SYT10: variants seen among roughly 807,000 people sequenced by gnomAD.
The protein encoded by SYT10 is synaptotagmin-10.
Under a neutral mutation model 51.1 loss-of-function variants are expected in SYT10, and 31 were observed. The ratio of observed to expected loss-of-function variants is 0.61; its 90% CI spans 0.46 to 0.82. The LOEUF (loss-of-function observed/expected upper bound fraction) is 0.82, where lower values mean the gene tolerates loss of function less well. Among genes scored for constraint, SYT10 ranks in the 40% least tolerant of loss-of-function variants. The probability of loss-of-function intolerance (pLI) is 0.00; values close to 1 mark genes in which losing one functional copy is unlikely to be tolerated. For missense variants in SYT10, 603 were observed against 634.0 expected (o/e 0.95, Z 0.53); for synonymous variants, 233 against 225.9 (o/e 1.03, Z -0.28).
chr12:33,382,581 T>G (rs528699544), intron 4 of SYT10, 61 bp from the exon 5 acceptor site: 1 of 1,452,756 alleles, frequency 6.9e-7, no homozygotes, highest in Non-Finnish European at 9.1e-7. Context: ...TAAATAAAAC[T>G]GCAGTTTATT....
In SYT10 at chr12:33,390,928, T is replaced by TG. The variant is rs1302024004; in HGVS notation, c.1078-5638_1078-5637insC. On this transcript the variant is annotated intron_variant, in intron 3 of 6. Transcript: ENST00000228567. ...CTGCATAATGTTAAATTACGTTTTT[T>TG]TTTGTTGTTGTTGTTGTTTTGTTTT... Among the ~76,000 whole-genome samples, 3 of 151,882 alleles carry TG rather than the reference T, an allele frequency of 2.0e-5. No homozygotes were observed. In the South Asian group the frequency reaches 6.3e-4, roughly 32 times the overall value.
intron 1 of SYT10, among the ~76,000 whole-genome samples, chr12:33,433,160 C>G (rs917936983): frequency 1.3e-5 from 2 of 152,092 alleles, no homozygotes; most frequent in Non-Finnish European, 2.9e-5. Flanking sequence ...AGATATTCCA[C>G]CAACAGAGGA....
intron 3 of SYT10, 77 bp downstream of exon 3, chr12:33,406,712 G>T: frequency 8.0e-7 from 1 of 1,244,266 alleles, no homozygotes. Flanking sequence ...GGCTTATTCC[G>T]ATAATTTGGG....
chr12:33,394,736 T>C (rs919787779), intron 3 of SYT10, among the ~76,000 whole-genome samples: 1 of 152,222 alleles, frequency 6.6e-6, no homozygotes, highest in Non-Finnish European at 1.5e-5. Flanking sequence ...AATTAAAGGA[T>C]ACTCATTAGC....
intron 3 of SYT10, chr12:33,405,637 A>T (rs1223983856): frequency 6.6e-6 from 1 of 152,074 alleles, no homozygotes; most frequent in Non-Finnish European, 1.5e-5. Context: ...TGAATAAAAA[A>T]ATGCTTATAT....
At chr12:33,422,658 T>C (rs1216993992) in intron 2 of SYT10, among the ~76,000 whole-genome samples, 2 of 151,984 alleles carry the variant, frequency 1.3e-5, no homozygotes, top group Non-Finnish European at 2.9e-5. Flanking sequence ...TCCTACTCCA[T>C]GATTTTTCAA....
At chr12:33,388,271 G>A (rs996594427) in intron 3 of SYT10, among the ~76,000 whole-genome samples, 15 of 152,108 alleles carry the variant, frequency 9.9e-5, no homozygotes, top group Admixed American at 7.9e-4. Context: ...ATGACCTTGA[G>A]TCATCAAGGT....
chr12:33,399,291 G>C (rs929410643), intron 3 of SYT10, among the ~76,000 whole-genome samples: 5 of 152,158 alleles, frequency 3.3e-5, no homozygotes, highest in African/African-American at 4.8e-5. Flanking sequence ...AGCAACTCTA[G>C]ATTTATCTAA....
intron 2 of SYT10, 69 bp downstream of exon 2, chr12:33,426,064 ACACAC>A: frequency 5.1e-6 from 1 of 195,964 alleles, no homozygotes. Context: ...ATGAAATTTC[ACACAC>A]ACACACACAC....
In SYT10 at chr12:33,439,573, C is replaced by A; in HGVS notation, c.-51G>T. 1.3e-6 allele frequency: 2 copies of A among 1,594,620 alleles called. No individual in the cohort carries two copies. Among genetic ancestry groups the A allele is most frequent in the South Asian group, 2.3e-5 (2 of 88,128 alleles). Reference sequence around the variant, plus strand: ...TTTTTTTCCCAGTTAGCCGTCTTTTCCTCTTCCCGTACCTCTAACCCCTCT... The same window carrying A: ...TTTTTTTCCCAGTTAGCCGTCTTTTACTCTTCCCGTACCTCTAACCCCTCT... On this transcript the variant is annotated 5_prime_UTR_variant, in exon 1 of 7. Transcript: ENST00000228567.
intron 3 of SYT10, chr12:33,404,960 C>T (rs1866339926): frequency 6.6e-6 from 1 of 151,930 alleles, no homozygotes; most frequent in African/African-American, 2.4e-5. Flanking sequence ...ACTAAAGTTT[C>T]CACAAGGAAC....
At chr12:33,378,158 G>T (rs533326858) in intron 6 of SYT10, among the ~76,000 whole-genome samples, 25 of 152,220 alleles carry the variant, frequency 1.6e-4, no homozygotes, top group African/African-American at 6.0e-4. Flanking sequence ...TTTTGCTGGA[G>T]AATGTACATT....
intron 3 of SYT10, among the ~76,000 whole-genome samples, chr12:33,403,005 T>C (rs1335126273): frequency 6.6e-6 from 1 of 152,062 alleles, no homozygotes; most frequent in African/African-American, 2.4e-5. Context: ...AAATTAAAGA[T>C]ACACCAGCTA....
chr12:33,406,841 G>T lies in SYT10; in HGVS notation c.1025C>A (p.Ser342Tyr). The change falls in exon 3 of 7, where the codon TCT becomes TAT. Residue 342 changes from serine (S) to tyrosine (Y), a missense_variant. Ser to Tyr is a moderately radical substitution (Grantham distance 144, BLOSUM62 -2). Transcript: ENST00000228567. ...TACTGTGGCTTCCCTGGAGAGATCA[G>T]AGACTTCAAACAAATTATCAAGAAT... ...EVILDNLFEV[S>Y]DLSREATVWK... The T allele has an allele frequency of 6.2e-7, 1 of 1,613,900 alleles. No homozygotes were observed. Among genetic ancestry groups the T allele is most frequent in the Non-Finnish European group, 8.5e-7 (1 of 1,179,992 alleles).
intron 1 of SYT10, among the ~76,000 whole-genome samples, chr12:33,438,365 GCAA>G (rs1237076465): frequency 6.6e-6 from 1 of 152,192 alleles, no homozygotes; most frequent in East Asian, 1.9e-4. Flanking sequence ...GACTCCTAGT[GCAA>G]CAAGTGACCC....
intron 3 of SYT10, among the ~76,000 whole-genome samples, chr12:33,402,705 G>A (rs1481898511): frequency 6.6e-6 from 1 of 152,084 alleles, no homozygotes; most frequent in Admixed American, 6.6e-5. Flanking sequence ...AAATTTTAGA[G>A]AATGAACTGT....
At chr12:33,394,812 G>T (rs983127209) in intron 3 of SYT10, among the ~76,000 whole-genome samples, 2 of 152,172 alleles carry the variant, frequency 1.3e-5, no homozygotes, top group African/African-American at 4.8e-5. Flanking sequence ...TGCTTACACA[G>T]GCACGGTGGC....
intron 4 of SYT10, 93 bp from the exon 5 acceptor site, chr12:33,382,613 T>C (rs1866125868): frequency 5.1e-6 from 6 of 1,174,098 alleles, no homozygotes; most frequent in African/African-American, 1.6e-5. Context: ...AGACCTATAG[T>C]ACTAAGGCCT....
chr12:33,423,412 GAAT>G (rs1866523097), intron 2 of SYT10, among the ~76,000 whole-genome samples: 1 of 151,994 alleles, frequency 6.6e-6, no homozygotes, highest in African/African-American at 2.4e-5. Flanking sequence ...CATTTGAGCA[GAAT>G]AATTTGATTT....
Sources: allele counts gnomAD v4.1 joint callset (sites outside exome capture counted in the v4.1 genomes callset), GRCh38; gene constraint gnomAD v4.1.1; transcripts MANE v1.5; gene names NCBI Gene and HGNC (gene_info 2026-07-23, HGNC 2026-07-21).